The following MTSS2 variants were observed in gnomAD, a reference collection of about 807,000 sequenced individuals.
MTSS2 encodes the protein protein MTSS 2.
MTSS2 carries 27 observed loss-of-function variants against 67.1 expected under a neutral mutation model. The observed-to-expected ratio is 0.40, with a 90% CI of 0.30 to 0.55. The LOEUF (loss-of-function observed/expected upper bound fraction) is 0.55. Ranked by LOEUF, MTSS2 falls within the 20% of genes least tolerant of loss-of-function variation. The probability of loss-of-function intolerance (pLI) is 0.43; values close to 1 mark genes in which losing one functional copy is unlikely to be tolerated. For synonymous variants in MTSS2, 624 were observed against 468.6 expected (o/e 1.33, Z -4.28); for missense variants, 1,171 against 1,067.8 (o/e 1.10, Z -1.35).
intron 1 of MTSS2, among the ~76,000 whole-genome samples, chr16:70,685,309 G>A (rs1177241851): frequency 6.6e-6 from 1 of 152,180 alleles, no homozygotes; most frequent in Non-Finnish European, 1.5e-5. Flanking sequence ...TCCTGCTTTG[G>A]CGGTGACAGC....
chr16:70,677,745 C>T (rs759347511), intron 9 of MTSS2, 47 bp downstream of exon 9: 7 of 1,467,192 alleles, frequency 4.8e-6, no homozygotes, highest in Admixed American at 2.0e-5. Flanking sequence ...GGCAGCCCAT[C>T]TCCTCCCTGC....
intron 2 of MTSS2, 31 bp from the exon 3 acceptor site, chr16:70,680,898 G>C: frequency 6.5e-7 from 1 of 1,547,024 alleles, no homozygotes; most frequent in African/African-American, 1.4e-5. Flanking sequence ...ATGGATGGTC[G>C]GTGGTTGGGC....
intron 10 of MTSS2, among the ~76,000 whole-genome samples, chr16:70,676,101 C>T (rs1240409747): frequency 6.6e-6 from 1 of 152,238 alleles, no homozygotes; most frequent in Non-Finnish European, 1.5e-5. Flanking sequence ...TCTGGATGTC[C>T]AGCCAGTGAT....
chr16:70,678,440 G>A (rs374069208), intron 7 of MTSS2, 31 bp from the exon 8 acceptor site: 3 of 1,588,568 alleles, frequency 1.9e-6, no homozygotes, highest in African/African-American at 2.7e-5. Context: ...GGCCTTGCTG[G>A]GGATGCCAGC....
intron 2 of MTSS2, 46 bp downstream of exon 2, chr16:70,680,918 G>GGGGGGGGGGGGGGCCCCCC: frequency 9.1e-7 from 1 of 1,097,884 alleles, no homozygotes; most frequent in Non-Finnish European, 1.3e-6. Context: ...CGGGGGGGGG[G>GGGGGGGGGGGGGGCCCCCC]CCTCTGCCTG....
rs1329385763 is a variant in MTSS2, at chr16:70,664,637, T to G, written c.1432A>C (p.Thr478Pro). The G allele has an allele frequency of 6.2e-7, 1 of 1,613,126 alleles. No homozygotes were observed. The highest frequency in any genetic ancestry group is 8.5e-7 in the Non-Finnish European group (1 of 1,179,922). The change falls in exon 14 of 15, where the codon ACC becomes CCC. Residue 478 changes from threonine (T) to proline (P), a missense_variant. Transcript: ENST00000338779. ...QYSSGYSTQT[T>P]TPSCSEDTIP... Reference sequence around the variant, plus strand: ...GTGTCCTCAGAGCAGGAGGGCGTGGTGGTCTGCGTGCTGTAGCCGCTGGAG... The same window carrying G: ...GTGTCCTCAGAGCAGGAGGGCGTGGGGGTCTGCGTGCTGTAGCCGCTGGAG...
intron 10 of MTSS2, 50 bp from the exon 11 acceptor site, chr16:70,674,578 G>A (rs755988578): frequency 1.0e-5 from 16 of 1,546,406 alleles, no homozygotes; most frequent in Admixed American, 1.8e-5. Context: ...GAGACAGAGG[G>A]GTGTGTGTTT....
In MTSS2 at chr16:70,664,659, G is replaced by C. The variant is rs982565867; in HGVS notation, c.1410C>G (p.Ser470=). 7 of 1,613,370 alleles carry C rather than the reference G, an allele frequency of 4.3e-6. No homozygotes were observed. The highest frequency in any genetic ancestry group is 5.9e-6 in the Non-Finnish European group (7 of 1,179,938). Residue 470 remains serine (S), a synonymous_variant, in exon 14 of 15, where the codon TCC becomes TCG. Transcript: ENST00000338779. ...TGGTGGTCTGCGTGCTGTAGCCGCTGGAGTACTGCAGCGAGTCCCGGCTGC... is the reference window on the plus strand; with the variant it reads ...TGGTGGTCTGCGTGCTGTAGCCGCTCGAGTACTGCAGCGAGTCCCGGCTGC... The part of the protein sequence containing the change: ...QKSSRDSLQY[S]SGYSTQTTTP...
intron 7 of MTSS2, 55 bp downstream of exon 7, chr16:70,679,260 A>G (rs1597823428): frequency 6.2e-7 from 1 of 1,607,026 alleles, no homozygotes; most frequent in South Asian, 1.1e-5. Flanking sequence ...TGGGGGAGAC[A>G]GACAAATGCG....
chr16:70,664,130 C>T lies in MTSS2; in HGVS notation c.1791G>A (p.Thr597=), dbSNP rs759561245. 1.4e-5 allele frequency: 23 copies of T among 1,610,494 alleles called. No individual in the cohort carries two copies. In the Middle Eastern group the frequency reaches 8.2e-4, roughly 58 times the overall value. The part of the protein sequence containing the change: ...RPPIVPVKTP[T]VPDSPGYMGP... Reference sequence around the variant, plus strand: ...CCATGTAGCCGGGGGAGTCAGGCACCGTGGGCGTCTTCACAGGGACGATGG... The same window carrying T: ...CCATGTAGCCGGGGGAGTCAGGCACTGTGGGCGTCTTCACAGGGACGATGG... The change falls in exon 15 of 15, where the codon ACG becomes ACA. Residue 597 remains threonine (T), a synonymous_variant. Transcript: ENST00000338779.
intron 11 of MTSS2, among the ~76,000 whole-genome samples, chr16:70,671,165 C>A (rs555133941): frequency 6.6e-6 from 1 of 151,836 alleles, no homozygotes; most frequent in East Asian, 1.9e-4. Context: ...CCTGTAATCC[C>A]AGCACTTGGG....
chr16:70,679,421 C>G (rs2053225986), intron 6 of MTSS2, 98 bp from the exon 7 acceptor site: 1 of 1,466,624 alleles, frequency 6.8e-7, no homozygotes, highest in East Asian at 2.3e-5. Flanking sequence ...GCGGGGGTGC[C>G]TGGGCCTCCT....
intron 2 of MTSS2, 46 bp downstream of exon 2, chr16:70,680,918 G>C (rs1240249821): frequency 2.0e-5 from 22 of 1,096,428 alleles, no homozygotes; most frequent in African/African-American, 4.8e-5. Context: ...CGGGGGGGGG[G>C]CCTCTGCCTG....
At chr16:70,681,404 C>T (rs904198144) in intron 1 of MTSS2, among the ~76,000 whole-genome samples, 3 of 152,234 alleles carry the variant, frequency 2.0e-5, no homozygotes, top group East Asian at 1.9e-4. Context: ...TGAGAGGCAT[C>T]GTGTCTCCCG....
At chr16:70,665,683 A>G in intron 11 of MTSS2, 143 bp from the exon 12 acceptor site, 1 of 637,236 alleles carries the variant, frequency 1.6e-6, no homozygotes, top group Non-Finnish European at 2.6e-6. Context: ...CACCCCCCCT[A>G]CCCCAGGGCC....
intron 1 of MTSS2, among the ~76,000 whole-genome samples, chr16:70,682,587 G>A (rs1012278673): frequency 6.6e-6 from 1 of 151,942 alleles, no homozygotes; most frequent in African/African-American, 2.4e-5. Flanking sequence ...GCGCAGGGGA[G>A]GCCAGGCCAT....
chr16:70,663,857 C>T lies in MTSS2; in HGVS notation c.2064G>A (p.Leu688=). Residue 688 remains leucine (L), a synonymous_variant, in exon 15 of 15, where the codon CTG becomes CTA. Transcript: ENST00000338779. ...LGELVAGAHA[L]GEGQFPFPTA... is the part of the protein sequence containing the mutation. ...TGGGGAAGGGGAACTGGCCCTCACC[C>T]AGTGCGTGGGCACCCGCCACCAGCT... 6.5e-7 allele frequency: 1 copy of T among 1,542,618 alleles called. No individual in the cohort carries two copies. Among genetic ancestry groups the T allele is most frequent in the South Asian group, 1.2e-5 (1 of 83,894 alleles).
Position 70,663,736 on chromosome 16 carries a change from G to C in MTSS2, c.2185C>G (p.Arg729Gly). 1 of 1,576,648 alleles carries C rather than the reference G, an allele frequency of 6.3e-7. No homozygotes were observed. Among genetic ancestry groups the C allele is most frequent in the Non-Finnish European group, 8.6e-7 (1 of 1,163,992 alleles). ...ACGGTCCTGCGGAGCCGGACCCCAC[G>C]CCGGATGGCCACCAGCATGTCTTCG... The part of the protein sequence containing the change: ...PAEDMLVAIR[R>G]GVRLRRTVTN... The change falls in exon 15 of 15, where the codon CGT (arginine) becomes GGT (glycine). Residue 729 changes from arginine (R) to glycine (G), a missense_variant. Physicochemically the swap from Arg to Gly is moderately radical, Grantham distance 125 (BLOSUM62 -2). This residue lies in a region of MTSS2 where 924 missense variants were observed against 756.0 expected (regional missense o/e 1.22). Coordinates refer to ENST00000338779, the MANE Select transcript of MTSS2 (RefSeq NM_138383.3).
rs748750430 is a variant in MTSS2, at chr16:70,661,283, C to T, written c.*2394G>A. The T allele has an allele frequency of 1.1e-4, 50 of 445,816 alleles. No homozygotes were observed. The highest frequency in any genetic ancestry group is 4.0e-4 in the African/African-American group (19 of 47,390). The allele number at this position is 445,816 out of a possible 1,614,324, so 27.6% of individuals were successfully genotyped here. On this transcript the variant is annotated 3_prime_UTR_variant, in exon 15 of 15. Transcript: ENST00000338779. ...CTTGTAGCAGTGACTATATTTAAAT[C>T]GGGGAGGATGGTGTGGAGGGGGCGG...
Sources: allele counts gnomAD v4.1 joint callset (sites outside exome capture counted in the v4.1 genomes callset), GRCh38; gene constraint gnomAD v4.1.1; regional missense constraint gnomAD v4.1.1; transcripts MANE v1.5; gene names NCBI Gene and HGNC (gene_info 2026-07-23, HGNC 2026-07-21).